SLC24A2: variants seen among roughly 807,000 people sequenced by gnomAD.
SLC24A2 encodes sodium/potassium/calcium exchanger 2.
In SLC24A2, 36 loss-of-function variants were observed where a neutral mutation model predicts 62.0. The observed-to-expected ratio is 0.58, with a 90% confidence interval of 0.44 to 0.77. The LOEUF (loss-of-function observed/expected upper bound fraction) is 0.77. SLC24A2 is among the 30% of genes least tolerant of loss of function. The pLI, the probability that SLC24A2 is intolerant of heterozygous loss-of-function variation, is 0.00. For synonymous variants in SLC24A2, 358 were observed against 294.0 expected (o/e 1.22, Z -2.23); for missense variants, 846 against 817.9 (o/e 1.03, Z -0.42).
the SLC24A2 span, among the ~76,000 whole-genome samples, chr9:19,985,072 CT>C: frequency 6.6e-6 from 1 of 150,638 alleles, no homozygotes; most frequent in African/African-American, 2.4e-5. Flanking sequence ...TTTAAAAAGA[CT>C]GACAATAACA....
chr9:19,917,444 T>C, the SLC24A2 span, among the ~76,000 whole-genome samples: 46 of 151,644 alleles, frequency 3.0e-4, no homozygotes, highest in African/African-American at 1.0e-3. Context: ...CTCACTGAGA[T>C]TTGGATTGAG....
intron 2 of SLC24A2, among the ~76,000 whole-genome samples, chr9:19,725,955 C>A (rs1305936462): frequency 6.6e-6 from 1 of 152,072 alleles, no homozygotes; most frequent in Non-Finnish European, 1.5e-5. Flanking sequence ...TATATCCAGA[C>A]GTATAGAGCA....
At chr9:19,994,881 A>G in the SLC24A2 span, among the ~76,000 whole-genome samples, 14 of 152,202 alleles carry the variant, frequency 9.2e-5, no homozygotes, top group Non-Finnish European at 1.8e-4. Flanking sequence ...CAATGTACCA[A>G]TATACAGAGT....
chr9:20,200,845 G>C, the SLC24A2 span, among the ~76,000 whole-genome samples: 1 of 152,172 alleles, frequency 6.6e-6, no homozygotes, highest in Admixed American at 6.5e-5. Flanking sequence ...CTTTTGGACC[G>C]TAGTGTTATG....
At chr9:20,300,271 A>G in the SLC24A2 span, among the ~76,000 whole-genome samples, 1 of 152,176 alleles carries the variant, frequency 6.6e-6, no homozygotes, top group Non-Finnish European at 1.5e-5. Flanking sequence ...AAACAATCCA[A>G]TTATATCTTT....
At chr9:19,841,460 A>G in the SLC24A2 span, among the ~76,000 whole-genome samples, 1 of 152,290 alleles carries the variant, frequency 6.6e-6, no homozygotes, top group Non-Finnish European at 1.5e-5. Context: ...GGTCTTTTCA[A>G]TGTGCATAGG....
chr9:19,539,592 T>C (rs1336396379), intron 8 of SLC24A2, among the ~76,000 whole-genome samples: 2 of 82,798 alleles, frequency 2.4e-5, no homozygotes, highest in Admixed American at 1.4e-4. Flanking sequence ...ATTTCTGTTC[T>C]TTTACATTTG....
chr9:20,116,429 C>T, the SLC24A2 span, among the ~76,000 whole-genome samples: 1 of 152,206 alleles, frequency 6.6e-6, no homozygotes, highest in South Asian at 2.1e-4. Context: ...GAAAACAAGA[C>T]CAGGTCCTAT....
At chr9:19,685,257 T>C (rs1019649396) in intron 2 of SLC24A2, among the ~76,000 whole-genome samples, 26 of 152,028 alleles carry the variant, frequency 1.7e-4, no homozygotes, top group African/African-American at 5.8e-4. Flanking sequence ...AAAGAAATCA[T>C]AGATGACACA....
the SLC24A2 span, among the ~76,000 whole-genome samples, chr9:19,894,418 C>A: frequency 6.6e-6 from 1 of 152,154 alleles, no homozygotes; most frequent in African/African-American, 2.4e-5. Flanking sequence ...CATATGTTAT[C>A]ATTGTTTATT....
At chr9:19,531,816 CTT>C (rs1270592981) in intron 8 of SLC24A2, among the ~76,000 whole-genome samples, 2 of 150,328 alleles carry the variant, frequency 1.3e-5, no homozygotes, top group Non-Finnish European at 2.9e-5. Flanking sequence ...TATTTAATCT[CTT>C]TAAGCTTAGG....
chr9:20,018,022 C>A, the SLC24A2 span, among the ~76,000 whole-genome samples: 1 of 152,220 alleles, frequency 6.6e-6, no homozygotes, highest in Non-Finnish European at 1.5e-5. Context: ...TCTCGGCTCA[C>A]TGCAAACTCC....
the SLC24A2 span, among the ~76,000 whole-genome samples, chr9:19,816,694 G>T: frequency 2.0e-5 from 3 of 152,054 alleles, no homozygotes; most frequent in African/African-American, 7.2e-5. Context: ...AGGGGAGCAG[G>T]CATATCACAT....
the SLC24A2 span, among the ~76,000 whole-genome samples, chr9:19,979,851 C>G: frequency 2.6e-5 from 4 of 152,192 alleles, no homozygotes; most frequent in Non-Finnish European, 4.4e-5. Context: ...CAACTTTAAC[C>G]TCCATGAGCT....
chr9:19,720,001 T>G (rs1456384321), intron 2 of SLC24A2, among the ~76,000 whole-genome samples: 2 of 152,198 alleles, frequency 1.3e-5, no homozygotes, highest in Non-Finnish European at 2.9e-5. Context: ...TATGATATGA[T>G]TCACATAATG....
intron 2 of SLC24A2, among the ~76,000 whole-genome samples, chr9:19,755,845 C>A (rs951874662): frequency 6.6e-6 from 1 of 152,146 alleles, no homozygotes; most frequent in Non-Finnish European, 1.5e-5. Context: ...TTTTACTCAC[C>A]TACAGTCAGA....
chr9:20,295,089 G>C, the SLC24A2 span, among the ~76,000 whole-genome samples: 1 of 151,098 alleles, frequency 6.6e-6, no homozygotes, highest in African/African-American at 2.4e-5. Flanking sequence ...CACATACACA[G>C]TGTGTATTGC....
At chr9:19,823,677 G>C in the SLC24A2 span, among the ~76,000 whole-genome samples, 2 of 151,658 alleles carry the variant, frequency 1.3e-5, no homozygotes, top group Non-Finnish European at 2.9e-5. Context: ...ACGAGATCAG[G>C]AGTGTTGAGA....
At chr9:20,150,509 T>C in the SLC24A2 span, among the ~76,000 whole-genome samples, 3 of 150,018 alleles carry the variant, frequency 2.0e-5, no homozygotes, top group Non-Finnish European at 4.4e-5. Flanking sequence ...AAAAGTAAAC[T>C]GCTGGAATCT....
Sources: allele counts gnomAD v4.1 joint callset (sites outside exome capture counted in the v4.1 genomes callset), GRCh38; gene constraint gnomAD v4.1.1; transcripts MANE v1.5; gene names NCBI Gene and HGNC (gene_info 2026-07-23, HGNC 2026-07-21).